The following FERRY3 variants were observed in gnomAD, a reference collection of about 807,000 sequenced individuals.
FERRY3 encodes the protein FERRY endosomal RAB5 effector complex subunit 3.
chr12:4,532,697 A>C, the FERRY3 span, among the ~76,000 whole-genome samples: 7 of 152,096 alleles, frequency 4.6e-5, no homozygotes, highest in African/African-American at 1.7e-4. Context: ...CCTCCACTTC[A>C]TAAGTTTCTC....
the FERRY3 span, among the ~76,000 whole-genome samples, chr12:4,515,312 C>T: frequency 2.0e-5 from 3 of 152,140 alleles, no homozygotes; most frequent in Non-Finnish European, 2.9e-5. Context: ...TCTTATGATC[C>T]GGCAACTCCA....
the FERRY3 span, chr12:4,535,995 TA>T: frequency 9.0e-3 from 10,195 of 1,131,084 alleles, 44 homozygotes; most frequent in African/African-American, 0.043. The surrounding 1 kb of genome is among the most constrained non-coding windows in gnomAD (Gnocchi z 4.0). Flanking sequence ...TGGTGTTACT[TA>T]AAAAAAAAAA....
the FERRY3 span, chr12:4,529,772 C>A: frequency 2.8e-6 from 3 of 1,072,036 alleles, no homozygotes; most frequent in Non-Finnish European, 3.9e-6. Flanking sequence ...TTTTTTCTAT[C>A]TTATCCTTTT....
chr12:4,520,072 T>C, the FERRY3 span, among the ~76,000 whole-genome samples: 3 of 152,234 alleles, frequency 2.0e-5, no homozygotes, highest in Non-Finnish European at 1.5e-5. Context: ...TGTTACAGCA[T>C]AGCTGAAATA....
At chr12:4,511,312 T>C in the FERRY3 span, among the ~76,000 whole-genome samples, 2 of 151,354 alleles carry the variant, frequency 1.3e-5, no homozygotes, top group Admixed American at 6.6e-5. Context: ...CACCCCACTG[T>C]CAACATTAGA....
At chr12:4,490,126 G>A in the FERRY3 span, among the ~76,000 whole-genome samples, 1 of 152,050 alleles carries the variant, frequency 6.6e-6, no homozygotes. Context: ...ATACGTTTGA[G>A]TAATAGAAAA....
the FERRY3 span, among the ~76,000 whole-genome samples, chr12:4,509,954 G>A: frequency 1.3e-4 from 18 of 138,466 alleles, no homozygotes; most frequent in Non-Finnish European, 2.3e-4. Context: ...TCTGAGCTAC[G>A]GGAGGACATT....
the FERRY3 span, chr12:4,500,115 A>G: frequency 6.3e-7 from 1 of 1,575,912 alleles, no homozygotes; most frequent in Non-Finnish European, 8.7e-7. Flanking sequence ...TCATAAAATT[A>G]CAGGATTTTT....
chr12:4,507,831 A>T, the FERRY3 span, among the ~76,000 whole-genome samples: 1 of 152,170 alleles, frequency 6.6e-6, no homozygotes, highest in Non-Finnish European at 1.5e-5. Flanking sequence ...CATTTATGTA[A>T]AAAAGGAAAA....
At chr12:4,495,939 A>T in the FERRY3 span, among the ~76,000 whole-genome samples, 2,912 of 152,312 alleles carry the variant, frequency 0.019, 96 homozygotes, top group African/African-American at 0.065. Context: ...AGTGACGGAC[A>T]TATTTTAAAA....
At chr12:4,491,050 G>T in the FERRY3 span, 1 of 794,482 alleles carries the variant, frequency 1.3e-6, no homozygotes, top group Non-Finnish European at 2.1e-6. Flanking sequence ...ATATTTGCTT[G>T]CTAAACTATC....
chr12:4,506,531 G>A, the FERRY3 span, among the ~76,000 whole-genome samples: 1 of 152,110 alleles, frequency 6.6e-6, no homozygotes, highest in Admixed American at 6.5e-5. Context: ...GATAGGCTTT[G>A]AATAGATGTC....
At chr12:4,501,036 C>T in the FERRY3 span, among the ~76,000 whole-genome samples, 1 of 152,150 alleles carries the variant, frequency 6.6e-6, no homozygotes, top group Non-Finnish European at 1.5e-5. Flanking sequence ...CTTATGAGAC[C>T]AATCTGTCCA....
the FERRY3 span, chr12:4,534,276 T>C: frequency 6.2e-7 from 1 of 1,610,964 alleles, no homozygotes; most frequent in Non-Finnish European, 8.5e-7. Context: ...TCTTCTTCTA[T>C]AAACTGAGTC....
the FERRY3 span, among the ~76,000 whole-genome samples, chr12:4,507,568 C>T: frequency 0.029 from 4,354 of 152,240 alleles, 182 homozygotes; most frequent in African/African-American, 0.099. Context: ...ACTGCTCACA[C>T]ACATGCACAA....
At chr12:4,525,555 G>A in the FERRY3 span, 1 of 1,611,470 alleles carries the variant, frequency 6.2e-7, no homozygotes, top group Non-Finnish European at 8.5e-7. Flanking sequence ...CCCAATTCCT[G>A]CATGACTTTT....
the FERRY3 span, among the ~76,000 whole-genome samples, chr12:4,498,362 G>C: frequency 6.6e-6 from 1 of 152,136 alleles, no homozygotes; most frequent in Non-Finnish European, 1.5e-5. Flanking sequence ...AGACTAGTTA[G>C]TGATGATGAT....
At chr12:4,526,871 ATTT>A in the FERRY3 span, among the ~76,000 whole-genome samples, 1 of 151,854 alleles carries the variant, frequency 6.6e-6, no homozygotes, top group African/African-American at 2.4e-5. Flanking sequence ...ATTTATACTT[ATTT>A]ATAACACTGA....
At chr12:4,518,089 A>G in the FERRY3 span, 4 of 1,613,144 alleles carry the variant, frequency 2.5e-6, no homozygotes, top group Non-Finnish European at 3.4e-6. Flanking sequence ...AATTAATTCG[A>G]TTATCTACTA....
Sources: gnomAD v4.1 joint callset for allele counts (sites outside exome capture counted in the v4.1 genomes callset) on GRCh38, gnomAD v4.1.1 for gene constraint, Gnocchi (gnomAD v3.1) non-coding constraint, MANE v1.5 for transcripts, NCBI Gene and HGNC (gene_info 2026-07-23, HGNC 2026-07-21) for gene names.